Variants in B3GALT1 observed in about 807,000 individuals in gnomAD.
B3GALT1 encodes UDP-Gal:betaGlcNAc beta 1,3-galactosyltransferase, polypeptide 1.
In B3GALT1, 10 loss-of-function variants were observed where a neutral mutation model predicts 23.2. That is an observed-to-expected ratio of 0.43 (90% CI 0.27 to 0.73). B3GALT1 has a LOEUF of 0.73. Ranked by LOEUF, B3GALT1 falls within the 30% of genes least tolerant of loss-of-function variation. B3GALT1 has a pLI of 0.21. For synonymous variants in B3GALT1, 156 were observed against 141.5 expected, an observed-to-expected ratio of 1.10 and a Z score of -0.73; for missense variants, 299 against 405.4, an observed-to-expected ratio of 0.74 and a Z score of 2.25.
At chr2:167,385,620 T>G (rs1445698046) in intron 1 of B3GALT1, among the ~76,000 whole-genome samples, 1 of 152,144 alleles carries the variant, frequency 6.6e-6, no homozygotes, top group African/African-American at 2.4e-5. Flanking sequence ...ATCAGGCAGC[T>G]GAGGGGCAGA....
chr2:167,751,333 T>C (rs1476792136), intron 3 of B3GALT1, among the ~76,000 whole-genome samples: 1 of 152,162 alleles, frequency 6.6e-6, no homozygotes, highest in Non-Finnish European at 1.5e-5. Flanking sequence ...TAGAAGACCC[T>C]AGGCAACAAG....
chr2:167,515,948 A>C (rs967347752), intron 2 of B3GALT1, among the ~76,000 whole-genome samples: 11 of 152,130 alleles, frequency 7.2e-5, no homozygotes, highest in African/African-American at 2.7e-4. Context: ...TTCTAGGCCT[A>C]TCTATGTATT....
intron 3 of B3GALT1, among the ~76,000 whole-genome samples, chr2:167,793,573 G>C (rs1688484317): frequency 6.6e-6 from 1 of 152,136 alleles, no homozygotes; most frequent in Admixed American, 6.5e-5. Context: ...TTCCAATTGT[G>C]TAGGCAAGGT....
intron 1 of B3GALT1, among the ~76,000 whole-genome samples, chr2:167,479,606 T>G (rs1699533679): frequency 6.6e-6 from 1 of 152,174 alleles, no homozygotes; most frequent in African/African-American, 2.4e-5. Flanking sequence ...CTTCCTTTTA[T>G]TGGTAGCAGA....
intron 2 of B3GALT1, among the ~76,000 whole-genome samples, chr2:167,495,326 CTTTTTTT>C (rs954749958): frequency 3.5e-5 from 2 of 57,884 alleles, no homozygotes; most frequent in African/African-American, 7.9e-5. Flanking sequence ...GCTTGCTTGC[CTTTTTTT>C]TTTTTTTTTT....
At chr2:167,482,913 A>G (rs1160480142) in intron 1 of B3GALT1, among the ~76,000 whole-genome samples, 1 of 152,204 alleles carries the variant, frequency 6.6e-6, no homozygotes, top group Non-Finnish European at 1.5e-5. Flanking sequence ...AGTGTGCTGT[A>G]TTATGATAAT....
chr2:167,300,556 G>A (rs1454200189), intron 1 of B3GALT1, among the ~76,000 whole-genome samples: 1 of 152,174 alleles, frequency 6.6e-6, no homozygotes, highest in Non-Finnish European at 1.5e-5. Context: ...GGTATTACGA[G>A]TGATGATTAA....
chr2:167,483,250 G>T (rs890276440), intron 1 of B3GALT1, among the ~76,000 whole-genome samples: 10 of 151,994 alleles, frequency 6.6e-5, no homozygotes, highest in Non-Finnish European at 1.0e-4. Context: ...CTGAGATCGC[G>T]CCATTGCACT....
chr2:167,640,210 A>G (rs62196707), intron 2 of B3GALT1, among the ~76,000 whole-genome samples: 1,982 of 152,118 alleles, frequency 0.013, 23 homozygotes, highest in Non-Finnish European at 0.021. Flanking sequence ...GCATCCTCCC[A>G]CTTCTATGAA....
intron 2 of B3GALT1, among the ~76,000 whole-genome samples, chr2:167,630,805 A>G (rs1278323301): frequency 2.6e-5 from 4 of 151,852 alleles, no homozygotes; most frequent in Non-Finnish European, 4.4e-5. Flanking sequence ...AAATGCATTG[A>G]TAGGGAACAG....
chr2:167,840,044 A>T (rs1217151871), intron 4 of B3GALT1, among the ~76,000 whole-genome samples: 1 of 152,226 alleles, frequency 6.6e-6, no homozygotes. Context: ...TGGATTAAAG[A>T]CTTCAATGTT....
chr2:167,464,400 A>G (rs538980181), intron 1 of B3GALT1, among the ~76,000 whole-genome samples: 22 of 152,320 alleles, frequency 1.4e-4, no homozygotes, highest in South Asian at 2.1e-4. Context: ...AGAAGTTAAA[A>G]TTGTTGTTTG....
chr2:167,449,369 G>T (rs1207626243), intron 1 of B3GALT1, among the ~76,000 whole-genome samples: 1 of 152,070 alleles, frequency 6.6e-6, no homozygotes, highest in Non-Finnish European at 1.5e-5. Context: ...TATTGTAAAA[G>T]GTGTTGAGTT....
intron 2 of B3GALT1, among the ~76,000 whole-genome samples, chr2:167,581,974 T>A (rs551245537): frequency 1.3e-4 from 20 of 152,314 alleles, no homozygotes; most frequent in African/African-American, 4.3e-4. Context: ...GAAACTGCAA[T>A]GTTCTTTCTC....
intron 1 of B3GALT1, among the ~76,000 whole-genome samples, chr2:167,389,561 G>C (rs1207698378): frequency 2.0e-5 from 3 of 152,186 alleles, no homozygotes; most frequent in Non-Finnish European, 2.9e-5. Context: ...GGCAGCCTAA[G>C]TACCAGGAAT....
rs191082779 is a variant in B3GALT1 at position 167,496,168 on chromosome 2, C to A, written c.-410+5891C>A. ...TAAATTATTTTTATCACACATAGGACCTAGGACTAGGAGGTCAACTATTTC... is the reference window on the plus strand; with the variant it reads ...TAAATTATTTTTATCACACATAGGAACTAGGACTAGGAGGTCAACTATTTC... On this transcript the variant is annotated intron_variant, in intron 2 of 4. Coordinates refer to ENST00000392690, the MANE Select transcript of B3GALT1 (RefSeq NM_020981.4). Among the ~76,000 whole-genome samples, 1,346 of 152,174 alleles carry A rather than the reference C, an allele frequency of 8.8e-3. 5 individuals are homozygous for A. Among genetic ancestry groups the A allele is most frequent in the Non-Finnish European group, 0.015 (1,048 of 68,028 alleles).
chr2:167,515,204 G>A (rs1269155415), intron 2 of B3GALT1, among the ~76,000 whole-genome samples: 1 of 152,068 alleles, frequency 6.6e-6, no homozygotes, highest in Non-Finnish European at 1.5e-5. Context: ...AAATAGCTTG[G>A]AAAATTCAGA....
At chr2:167,428,016 C>T (rs1210400317) in intron 1 of B3GALT1, among the ~76,000 whole-genome samples, 1 of 152,130 alleles carries the variant, frequency 6.6e-6, no homozygotes, top group African/African-American at 2.4e-5. Context: ...GCAGAGTCTG[C>T]TACCTGCTAG....
At chr2:167,428,268 G>C (rs943399862) in intron 1 of B3GALT1, among the ~76,000 whole-genome samples, 2 of 152,208 alleles carry the variant, frequency 1.3e-5, no homozygotes, top group African/African-American at 2.4e-5. Context: ...TTTTGAATAA[G>C]AGCAAAACAT....
Sources: gnomAD v4.1 joint callset for allele counts (sites outside exome capture counted in the v4.1 genomes callset) on GRCh38, gnomAD v4.1.1 for gene constraint, MANE v1.5 for transcripts, NCBI Gene and HGNC (gene_info 2026-07-23, HGNC 2026-07-21) for gene names.